PKHD1: variants seen among roughly 807,000 people sequenced by gnomAD.
PKHD1 encodes the protein PKHD1 ciliary IPT domain containing fibrocystin/polyductin, also known as fibrocystin.
A neutral mutation model predicts 412.0 loss-of-function variants in PKHD1; 291 were observed. The observed-to-expected ratio is 0.71, with a 90% confidence interval of 0.64 to 0.78. PKHD1 has a LOEUF of 0.78. Ranked by LOEUF, PKHD1 falls within the 30% of genes least tolerant of loss-of-function variation. The pLI, the probability that PKHD1 is intolerant of heterozygous loss-of-function variation, is 0.00. For synonymous variants in PKHD1, 1,777 were observed against 1,821.5 expected (o/e 0.98, Z 0.62); for missense variants, 4,825 against 4,950.7 (o/e 0.97, Z 0.76).
At chr6:51,826,007 A>C (rs990535804) in intron 52 of PKHD1, among the ~76,000 whole-genome samples, 2 of 152,190 alleles carry the variant, frequency 1.3e-5, no homozygotes, top group Non-Finnish European at 2.9e-5. Context: ...GCTATAATTC[A>C]GTATGAAATA....
intron 60 of PKHD1, among the ~76,000 whole-genome samples, chr6:51,680,814 G>T (rs187903296): frequency 6.6e-6 from 1 of 152,056 alleles, no homozygotes; most frequent in East Asian, 1.9e-4. Flanking sequence ...TTAAACTATT[G>T]TAAAGATAAA....
chr6:51,940,169 T>C lies in PKHD1; in HGVS notation c.5909-5847A>G, dbSNP rs957832044. On this transcript the variant is annotated intron_variant, in intron 36 of 66. Transcript: ENST00000371117. ...ACCCTAAAAGGTCAAAAGGCCGTCTTATTCTCAATATACATTTTATTACCC... is the reference window on the plus strand; with the variant it reads ...ACCCTAAAAGGTCAAAAGGCCGTCTCATTCTCAATATACATTTTATTACCC... Among the ~76,000 whole-genome samples, 5 of 151,654 alleles carry C rather than the reference T, an allele frequency of 3.3e-5. No individual in the cohort carries two copies. In the East Asian group the frequency reaches 5.8e-4, roughly 18 times the overall value.
chr6:51,840,717 A>G (rs1264144594), intron 50 of PKHD1, among the ~76,000 whole-genome samples: 1 of 152,164 alleles, frequency 6.6e-6, no homozygotes, highest in East Asian at 1.9e-4. Flanking sequence ...CTCTTAAAAT[A>G]TTGTTTGTTC....
At chr6:51,807,129 T>C (rs940760679) in intron 52 of PKHD1, among the ~76,000 whole-genome samples, 2 of 151,904 alleles carry the variant, frequency 1.3e-5, no homozygotes, top group Non-Finnish European at 2.9e-5. Context: ...ACTCTGTGTG[T>C]AAAAATATAT....
intron 60 of PKHD1, among the ~76,000 whole-genome samples, chr6:51,695,636 C>T (rs571856010): frequency 6.6e-6 from 1 of 152,128 alleles, no homozygotes; most frequent in South Asian, 2.1e-4. Context: ...AAAACTGATA[C>T]TCTTGACACT....
intron 37 of PKHD1, among the ~76,000 whole-genome samples, chr6:51,929,551 A>C (rs1786252558): frequency 6.6e-6 from 1 of 152,196 alleles, no homozygotes; most frequent in Non-Finnish European, 1.5e-5. Flanking sequence ...CACTGACCGG[A>C]AACACACTCC....
intron 35 of PKHD1, among the ~76,000 whole-genome samples, chr6:51,977,034 AC>A (rs1399259869): frequency 6.6e-6 from 1 of 152,062 alleles, no homozygotes; most frequent in Non-Finnish European, 1.5e-5. Flanking sequence ...TATAGATCAA[AC>A]CCTCAGATTA....
chr6:52,084,951 A>G lies in PKHD1; in HGVS notation c.-18T>C, dbSNP rs1812546005. On this transcript the variant is annotated 5_prime_UTR_variant, in exon 2 of 67. Transcript: ENST00000371117. ...GCAGTCATTCTGTCCACTTAAATCA[A>G]TACTCTTAAGATTGCTCAGACATTA... 1 of 1,548,076 alleles carries G rather than the reference A, an allele frequency of 6.5e-7. No individual in the cohort carries two copies. The highest frequency in any genetic ancestry group is 2.2e-5 in the East Asian group (1 of 44,476).
At chr6:51,626,093 C>T (rs1251328211) in intron 66 of PKHD1, among the ~76,000 whole-genome samples, 1 of 152,090 alleles carries the variant, frequency 6.6e-6, no homozygotes, top group South Asian at 2.1e-4. Flanking sequence ...CTGATACACA[C>T]TCATGCTCAT....
rs1790495669 is a variant in PKHD1, at chr6:51,773,527, G to C, written c.8555-738C>G. Among the ~76,000 whole-genome samples, 3 of 151,004 alleles carry C rather than the reference G, an allele frequency of 2.0e-5. 1 individual carries two copies. The South Asian group carries it at 6.2e-4, about 31-fold the overall frequency. On this transcript the variant is annotated intron_variant, in intron 54 of 66. Transcript: ENST00000371117. ...AGCACATATATATTTATTTTATTTAGATAACTCAGATATTTATATTTAGAT... is the reference window on the plus strand; with the variant it reads ...AGCACATATATATTTATTTTATTTACATAACTCAGATATTTATATTTAGAT...
chr6:51,942,426 C>G (rs1788738025), intron 36 of PKHD1, among the ~76,000 whole-genome samples: 2 of 151,742 alleles, frequency 1.3e-5, no homozygotes, highest in Admixed American at 1.3e-4. Context: ...AACTCACTCT[C>G]TATAGTTCTC....
intron 3 of PKHD1, among the ~76,000 whole-genome samples, 183 bp downstream of exon 3, chr6:52,082,995 G>T (rs563530970): frequency 1.3e-5 from 2 of 152,300 alleles, no homozygotes; most frequent in South Asian, 4.1e-4. Flanking sequence ...GGTATGCTGT[G>T]CTTTGCTTCT....
chr6:51,695,891 G>A (rs564076723), intron 60 of PKHD1, among the ~76,000 whole-genome samples: 6 of 152,170 alleles, frequency 3.9e-5, no homozygotes, highest in East Asian at 1.9e-4. Flanking sequence ...ATTTGAATAC[G>A]AAGAGCAGAA....
chr6:52,081,562 CAAA>C (rs34967266), intron 4 of PKHD1, among the ~76,000 whole-genome samples: 18 of 149,990 alleles, frequency 1.2e-4, no homozygotes, highest in East Asian at 5.9e-4. Context: ...GTGTAAATTA[CAAA>C]AAAAAAAAAT....
At position 51,736,067 on chromosome 6, in the gene PKHD1, G is replaced by C. The variant is rs1344557747; in HGVS notation, c.10156+8318C>G. Among the ~76,000 whole-genome samples the C allele has an allele frequency of 2.6e-5, 4 of 152,196 alleles. No individual in the cohort carries two copies. The East Asian group carries it at 7.7e-4, about 29-fold the overall frequency. On this transcript the variant is annotated intron_variant, in intron 60 of 66. Transcript: ENST00000371117. ...ATGGAGGCAACAGGACTATCTCTTA[G>C]AGTAGAACCCGTTGATGGCATTAAA...
intron 45 of PKHD1, among the ~76,000 whole-genome samples, chr6:51,885,073 G>A (rs1777995827): frequency 6.6e-6 from 1 of 152,040 alleles, no homozygotes; most frequent in Admixed American, 6.6e-5. Context: ...TCTATTTCCT[G>A]AAGGCTCTAC....
chr6:51,693,476 T>G (rs141186179), intron 60 of PKHD1, among the ~76,000 whole-genome samples: 1 of 152,202 alleles, frequency 6.6e-6, no homozygotes, highest in Non-Finnish European at 1.5e-5. Context: ...TGTGAAGTGG[T>G]TTACAAAGAT....
intron 48 of PKHD1, among the ~76,000 whole-genome samples, chr6:51,856,875 A>G (rs1474429927): frequency 6.6e-6 from 1 of 152,218 alleles, no homozygotes; most frequent in East Asian, 1.9e-4. Flanking sequence ...CACCCAAATC[A>G]TGTTTGTTAT....
At chr6:52,036,388 CAAG>C (rs1379921412) in intron 27 of PKHD1, among the ~76,000 whole-genome samples, 1 of 152,208 alleles carries the variant, frequency 6.6e-6, no homozygotes, top group Admixed American at 6.5e-5. Context: ...CAGATGTTAG[CAAG>C]AAGAGAGTTG....
Sources: gnomAD v4.1 joint callset for allele counts (sites outside exome capture counted in the v4.1 genomes callset) on GRCh38, gnomAD v4.1.1 for gene constraint, MANE v1.5 for transcripts, NCBI Gene and HGNC (gene_info 2026-07-23, HGNC 2026-07-21) for gene names.